Variants in GABRB1 observed in about 807,000 individuals in gnomAD.
GABRB1 encodes the protein gamma-aminobutyric acid type A receptor subunit beta1.
In GABRB1, 17 loss-of-function variants were observed where a neutral mutation model predicts 51.6. The observed-to-expected ratio is 0.33, with a 90% CI of 0.23 to 0.49. The LOEUF is 0.49. Among genes scored for constraint, GABRB1 ranks in the 20% least tolerant of loss-of-function variants. The probability of loss-of-function intolerance (pLI) is 0.99; values close to 1 mark genes in which losing one functional copy is unlikely to be tolerated. For synonymous variants in GABRB1, 247 were observed against 218.9 expected, an observed-to-expected ratio of 1.13 and a Z score of -1.14; for missense variants, 410 against 600.6, an observed-to-expected ratio of 0.68 and a Z score of 3.32.
chr4:47,174,147 C>A (rs553204837), intron 4 of GABRB1, among the ~76,000 whole-genome samples: 1 of 152,242 alleles, frequency 6.6e-6, no homozygotes, highest in East Asian at 1.9e-4. Context: ...TCACTGCAAC[C>A]TCAACCTCCC....
chr4:47,034,512 A>G (rs550706317), intron 3 of GABRB1, among the ~76,000 whole-genome samples: 17 of 152,332 alleles, frequency 1.1e-4, no homozygotes, highest in African/African-American at 4.1e-4. Flanking sequence ...CTTTGAAAAT[A>G]CCTGTTCTAC....
At chr4:47,420,446 G>GA (rs1166144198) in intron 8 of GABRB1, among the ~76,000 whole-genome samples, 1 of 151,660 alleles carries the variant, frequency 6.6e-6, no homozygotes, top group African/African-American at 2.4e-5. Context: ...AGCAACTTTT[G>GA]AAAAAAAATC....
intron 4 of GABRB1, among the ~76,000 whole-genome samples, chr4:47,238,483 TA>T (rs1306587305): frequency 1.3e-5 from 2 of 152,162 alleles, no homozygotes; most frequent in African/African-American, 4.8e-5. Context: ...TGTTGGAAAC[TA>T]TGCAACAAAT....
intron 5 of GABRB1, among the ~76,000 whole-genome samples, chr4:47,353,529 C>T (rs755049254): frequency 6.6e-6 from 1 of 152,138 alleles, no homozygotes; most frequent in African/African-American, 2.4e-5. Context: ...CTCTTCCCAC[C>T]TTTATAGGCG....
upstream of GABRB1, among the ~76,000 whole-genome samples, chr4:47,031,193 A>G (rs1291752170): frequency 6.6e-6 from 1 of 151,984 alleles, no homozygotes; most frequent in Non-Finnish European, 1.5e-5. Flanking sequence ...TGCCCGCCAC[A>G]GGCAACCAGA....
intron 3 of GABRB1, among the ~76,000 whole-genome samples, chr4:47,072,507 T>C (rs943440319): frequency 6.6e-6 from 1 of 152,194 alleles, no homozygotes; most frequent in African/African-American, 2.4e-5. Context: ...AGAGTCTGTA[T>C]CATATAAGAA....
intron 3 of GABRB1, among the ~76,000 whole-genome samples, chr4:47,052,083 T>C (rs560900553): frequency 1.3e-5 from 2 of 152,224 alleles, no homozygotes; most frequent in Admixed American, 6.5e-5. Flanking sequence ...TGAGCCGAGA[T>C]TGTGCCACTG....
At chr4:47,345,722 T>C (rs1726064518) in intron 5 of GABRB1, among the ~76,000 whole-genome samples, 1 of 152,196 alleles carries the variant, frequency 6.6e-6, no homozygotes, top group Non-Finnish European at 1.5e-5. Context: ...ACCAACATGA[T>C]GCCACAAGTA....
At chr4:47,191,383 G>T (rs1187816156) in intron 4 of GABRB1, among the ~76,000 whole-genome samples, 1 of 152,036 alleles carries the variant, frequency 6.6e-6, no homozygotes, top group Non-Finnish European at 1.5e-5. Context: ...ACCTAAGATA[G>T]ATCTCCAACA....
chr4:47,189,493 T>C (rs1719337196), intron 4 of GABRB1, among the ~76,000 whole-genome samples: 1 of 151,902 alleles, frequency 6.6e-6, no homozygotes, highest in Admixed American at 6.6e-5. Context: ...ATAACCTCTA[T>C]AAATGAAGAG....
chr4:47,081,026 A>C (rs555575325), intron 3 of GABRB1, among the ~76,000 whole-genome samples: 3 of 152,322 alleles, frequency 2.0e-5, no homozygotes, highest in South Asian at 2.1e-4. Context: ...GATAAAAAAG[A>C]AGAGGGTTTA....
chr4:47,157,186 T>G (rs1347021410), intron 3 of GABRB1, among the ~76,000 whole-genome samples: 3 of 151,974 alleles, frequency 2.0e-5, no homozygotes, highest in Non-Finnish European at 2.9e-5. Flanking sequence ...ATGTCACACT[T>G]TCTCTCAAGA....
intron 4 of GABRB1, among the ~76,000 whole-genome samples, chr4:47,166,710 G>A (rs1273964730): frequency 6.6e-6 from 1 of 151,990 alleles, no homozygotes; most frequent in African/African-American, 2.4e-5. Flanking sequence ...TTGTTCAATG[G>A]TAATTATACT....
intron 3 of GABRB1, among the ~76,000 whole-genome samples, chr4:47,109,305 C>T (rs1259843462): frequency 6.6e-6 from 1 of 151,874 alleles, no homozygotes; most frequent in Admixed American, 6.6e-5. Context: ...CTTAGGTGAT[C>T]ATTAAAGTCC....
At position 47,217,061 on chromosome 4, in the gene GABRB1, T is replaced by G. The variant is rs1720582340; in HGVS notation, c.461+55592T>G. ...TATGTGCATCAACATGGAAAAATATTTTTAAACTCATTATAATAAATAGGC... is the reference window on the plus strand; with the variant it reads ...TATGTGCATCAACATGGAAAAATATGTTTAAACTCATTATAATAAATAGGC... On this transcript the variant is annotated intron_variant, in intron 4 of 8. Transcript: ENST00000295454. Among the ~76,000 whole-genome samples, 3 of 151,902 alleles carry G rather than the reference T, an allele frequency of 2.0e-5. 1 individual carries two copies. In the South Asian group the frequency reaches 6.2e-4, roughly 31 times the overall value.
intron 1 of GABRB1, among the ~76,000 whole-genome samples, chr4:47,019,672 T>TTTCTTTCC (rs1299038703): frequency 7.1e-6 from 1 of 141,040 alleles, no homozygotes; most frequent in Non-Finnish European, 1.5e-5. Context: ...TCTTTCTTTC[T>TTTCTTTCC]TTCTTTCCTT....
At chr4:47,017,108 G>T (rs940001246) in intron 1 of GABRB1, among the ~76,000 whole-genome samples, 2 of 152,290 alleles carry the variant, frequency 1.3e-5, no homozygotes, top group Non-Finnish European at 1.5e-5. Flanking sequence ...AGACGCTGTG[G>T]AGTTAAATGA....
intron 8 of GABRB1, 139 bp from the exon 9 acceptor site, chr4:47,425,535 C>A: frequency 1.7e-6 from 1 of 586,600 alleles, no homozygotes; most frequent in South Asian, 2.2e-5. Flanking sequence ...GATCTATCTC[C>A]ACATCAGGGA....
At chr4:47,187,241 T>C (rs1159555032) in intron 4 of GABRB1, among the ~76,000 whole-genome samples, 1 of 151,890 alleles carries the variant, frequency 6.6e-6, no homozygotes. Context: ...AGATGGGACA[T>C]GAGTCCAACT....
Sources: gnomAD v4.1 joint callset for allele counts (sites outside exome capture counted in the v4.1 genomes callset) on GRCh38, gnomAD v4.1.1 for gene constraint, MANE v1.5 for transcripts, NCBI Gene and HGNC (gene_info 2026-07-23, HGNC 2026-07-21) for gene names.